Variants in AMY2B observed in about 807,000 individuals in gnomAD.
The protein encoded by AMY2B is alpha-amylase 2B.
In AMY2B, 63 loss-of-function variants were observed where a neutral mutation model predicts 59.3. The ratio of observed to expected loss-of-function variants is 1.06; its 90% CI spans 0.87 to 1.31. The LOEUF (loss-of-function observed/expected upper bound fraction) is 1.31, where lower values mean the gene tolerates loss of function less well. Ranked by LOEUF, AMY2B falls within the 50% of genes most tolerant of loss-of-function variation. The probability of loss-of-function intolerance (pLI) is 0.00; values close to 1 mark genes in which losing one functional copy is unlikely to be tolerated. For missense variants in AMY2B, 635 were observed against 626.7 expected (o/e 1.01, Z -0.14); for synonymous variants, 180 against 198.1 (o/e 0.91, Z 0.77).
chr1:103,574,209 A>G (rs758680504), intron 4 of AMY2B, 51 bp from the exon 5 acceptor site: 99 of 1,610,648 alleles, frequency 6.1e-5, no homozygotes, highest in Middle Eastern at 2.3e-4. Flanking sequence ...ATTGGTTAAA[A>G]TGCTTTAAAG....
At chr1:103,559,803 G>A (rs1651676412) in intron 1 of AMY2B, among the ~76,000 whole-genome samples, 1 of 152,046 alleles carries the variant, frequency 6.6e-6, no homozygotes, top group Non-Finnish European at 1.5e-5. Context: ...TTTTTGGTGG[G>A]AGTGTGACAA....
chr1:103,577,384 T>G, intron 7 of AMY2B, 106 bp from the exon 8 acceptor site: 1 of 1,581,626 alleles, frequency 6.3e-7, no homozygotes, highest in Non-Finnish European at 8.6e-7. Flanking sequence ...GATAAAGTCA[T>G]TGAATGCAGA....
intron 9 of AMY2B, among the ~76,000 whole-genome samples, chr1:103,578,422 G>T (rs1652447548): frequency 6.6e-6 from 1 of 151,998 alleles, no homozygotes; most frequent in African/African-American, 2.4e-5. Context: ...CTCATTATTG[G>T]CCTTTCATCT....
rs201396892 is a variant in AMY2B at position 103,574,360 on chromosome 1, G to T, written c.845G>T (p.Arg282Leu). 2 of 1,611,622 alleles carry T rather than the reference G, an allele frequency of 1.2e-6. No individual in the cohort carries two copies. The highest frequency in any genetic ancestry group is 4.5e-5 in the East Asian group (2 of 44,842). ...GGTGCAAAACTCGGCACAGTTATTCGCAAGTGGAATGGAGAGAAGATGTCT... is the reference window on the plus strand; with the variant it reads ...GGTGCAAAACTCGGCACAGTTATTCTCAAGTGGAATGGAGAGAAGATGTCT... ...KYGAKLGTVI[R>L]KWNGEKMSYL... is the part of the protein sequence containing the mutation. Residue 282 changes from arginine to leucine, a missense_variant, in exon 5 of 10, where the codon CGC becomes CTC. Physicochemically the swap from Arg to Leu is moderately radical, Grantham distance 102 (BLOSUM62 -2). Coordinates refer to ENST00000684275, the MANE Select transcript of AMY2B (RefSeq NM_001387437.1).
chr1:103,557,711 T>A lies in AMY2B; in HGVS notation c.-207+2602T>A, dbSNP rs1289923340. ...TTGTAAATTATAAAATAGCACTTAA[T>A]ATGGTATTTGTATACCGTGATCTTT... On this transcript the variant is annotated intron_variant, in intron 1 of 11. Transcript: ENST00000361355. 3.3e-5 allele frequency among the ~76,000 whole-genome samples: 5 copies of A among 152,122 alleles called. No homozygotes were observed. In the East Asian group the frequency reaches 5.8e-4, roughly 18 times the overall value.
chr1:103,560,832 TA>T (rs1360935652), intron 1 of AMY2B, among the ~76,000 whole-genome samples: 1 of 152,156 alleles, frequency 6.6e-6, no homozygotes, highest in Non-Finnish European at 1.5e-5. Flanking sequence ...TTTCATATAA[TA>T]TTTTATTTGA....
chr1:103,557,169 C>CACAT (rs558071483), intron 1 of AMY2B, among the ~76,000 whole-genome samples: 3,723 of 151,324 alleles, frequency 0.025, 60 homozygotes, highest in South Asian at 0.036. Context: ...CACACACACA[C>CACAT]ACATACATAC....
At chr1:103,569,447 T>C, upstream of AMY2B, 1 of 221,132 alleles carries the variant, frequency 4.5e-6, no homozygotes, top group South Asian at 5.6e-5. Context: ...CTGCCAGAGG[T>C]TTAAAAAGGT....
At chr1:103,554,967 T>C (rs1295612336) in exon 1 of AMY2B, 1 of 151,366 alleles carries the variant, frequency 6.6e-6, no homozygotes, top group African/African-American at 2.4e-5. Flanking sequence ...GTTCAGCTCT[T>C]AGTTATTTTT....
At chr1:103,569,837 A>C (rs3762407), upstream of AMY2B, 2 of 461,000 alleles carry the variant, frequency 4.3e-6, no homozygotes, top group Non-Finnish European at 8.7e-6. Context: ...GGGACTGCAC[A>C]TGGCCTTGGA....
chr1:103,562,173 CAT>C (rs1651754602), intron 1 of AMY2B: 1 of 152,168 alleles, frequency 6.6e-6, no homozygotes, highest in Admixed American at 6.6e-5. Flanking sequence ...GTTTCTGTCA[CAT>C]GATTTGATAT....
At chr1:103,566,331 CT>C (rs1651911495) in intron 2 of AMY2B, among the ~76,000 whole-genome samples, 1 of 152,072 alleles carries the variant, frequency 6.6e-6, no homozygotes, top group African/African-American at 2.4e-5. Flanking sequence ...CTGAACATAA[CT>C]TCTAGAACAG....
At chr1:103,560,217 CTAT>C (rs1216117966) in intron 1 of AMY2B, among the ~76,000 whole-genome samples, 1 of 152,070 alleles carries the variant, frequency 6.6e-6, no homozygotes, top group Non-Finnish European at 1.5e-5. Context: ...GTAGATTTCC[CTAT>C]TATTGTACTG....
At chr1:103,575,776 G>GA (rs371844100) in intron 7 of AMY2B, 26,976 of 309,470 alleles carry the variant, frequency 0.087, 30 homozygotes, top group South Asian at 0.14. Context: ...TAGCCCACAG[G>GA]AAAAAAAAAA....
At chr1:103,561,290 G>T (rs142428652) in intron 1 of AMY2B, among the ~76,000 whole-genome samples, 15 of 152,046 alleles carry the variant, frequency 9.9e-5, no homozygotes, top group African/African-American at 3.6e-4. Context: ...GTTTTGAGAC[G>T]GAGTCTCATT....
chr1:103,575,171 G>T (rs369773732), intron 5 of AMY2B, 52 bp from the exon 6 acceptor site: 63 of 1,607,360 alleles, frequency 3.9e-5, no homozygotes, highest in Non-Finnish European at 5.0e-5. Context: ...TAAGTTACTC[G>T]CAAACTATTG....
intron 7 of AMY2B, chr1:103,577,244 C>T (rs1342266146): frequency 1.3e-5 from 10 of 769,226 alleles, no homozygotes; most frequent in African/African-American, 8.8e-5. Flanking sequence ...TTTGCAGTTC[C>T]TTGGAATGAA....
intron 7 of AMY2B, among the ~76,000 whole-genome samples, chr1:103,576,267 C>A (rs941975307): frequency 1.3e-5 from 2 of 152,160 alleles, no homozygotes; most frequent in Non-Finnish European, 2.9e-5. Flanking sequence ...CTCTGAGTCA[C>A]ACAGATATCT....
At position 103,566,236 on chromosome 1, in the gene AMY2B, G is replaced by T. The variant is rs371182850; in HGVS notation, c.-47+642G>T. Among the ~76,000 whole-genome samples, 12 of 152,204 alleles carry T rather than the reference G, an allele frequency of 7.9e-5. No homozygotes were observed. In the South Asian group the frequency reaches 2.5e-3, roughly 32 times the overall value. ...CTTTTCCTACCAATTAAATCCTGAA[G>T]CACTTAATCGTAACCCTCTTAAAAC... On this transcript the variant is annotated intron_variant, in intron 2 of 11. Coordinates refer to the AMY2B transcript ENST00000361355.
Sources: gnomAD v4.1 joint callset for allele counts (sites outside exome capture counted in the v4.1 genomes callset) on GRCh38, gnomAD v4.1.1 for gene constraint, MANE v1.5 for transcripts, NCBI Gene and HGNC (gene_info 2026-07-23, HGNC 2026-07-21) for gene names.